The following KLF12 variants were observed in gnomAD, a reference collection of about 807,000 sequenced individuals.
The protein encoded by KLF12 is Krueppel-like factor 12.
In KLF12, 9 loss-of-function variants were observed where a neutral mutation model predicts 37.8. The observed-to-expected ratio is 0.24, with a 90% CI of 0.14 to 0.42. The LOEUF is 0.42. KLF12 is among the 10% of genes least tolerant of loss of function. The probability of loss-of-function intolerance (pLI) is 1.00; values close to 1 mark genes in which losing one functional copy is unlikely to be tolerated. For synonymous variants in KLF12, 208 were observed against 202.1 expected (o/e 1.03, Z -0.25); for missense variants, 411 against 516.0 (o/e 0.80, Z 1.97).
intron 1 of KLF12, among the ~76,000 whole-genome samples, chr13:74,036,921 T>C (rs1893261275): frequency 6.6e-6 from 1 of 152,116 alleles, no homozygotes; most frequent in African/African-American, 2.4e-5. Flanking sequence ...AGATTTTCTT[T>C]TGGGCCAGGA....
At chr13:73,876,322 C>CTGT (rs1886702705) in intron 3 of KLF12, among the ~76,000 whole-genome samples, 1 of 152,162 alleles carries the variant, frequency 6.6e-6, no homozygotes, top group Admixed American at 6.5e-5. Flanking sequence ...TTAGTGGCTA[C>CTGT]TCTCAGGTCC....
At chr13:74,027,388 T>C (rs1893002212) in intron 1 of KLF12, among the ~76,000 whole-genome samples, 3 of 152,196 alleles carry the variant, frequency 2.0e-5, no homozygotes, top group Admixed American at 1.3e-4. Context: ...TGTCTGTTCA[T>C]TCAACATGCA....
chr13:74,093,511 G>C (rs1007766159), intron 1 of KLF12, among the ~76,000 whole-genome samples: 1 of 151,990 alleles, frequency 6.6e-6, no homozygotes. Flanking sequence ...GGGCAAAGCT[G>C]GAATTCCTTT....
At chr13:73,918,079 T>TAC (rs140232883) in intron 3 of KLF12, among the ~76,000 whole-genome samples, 26 of 151,328 alleles carry the variant, frequency 1.7e-4, no homozygotes, top group Non-Finnish European at 2.7e-4. Context: ...CACCAACATC[T>TAC]ACACACACAC....
chr13:73,723,183 G>A (rs1334810746), intron 6 of KLF12, among the ~76,000 whole-genome samples: 2 of 152,190 alleles, frequency 1.3e-5, no homozygotes, highest in Non-Finnish European at 1.5e-5. Context: ...TAGACTACAA[G>A]TTGAAAGAGG....
the KLF12 span, among the ~76,000 whole-genome samples, chr13:74,299,429 G>A: frequency 1.1e-4 from 16 of 152,232 alleles, no homozygotes; most frequent in South Asian, 2.1e-4. Flanking sequence ...AAATTGGAGT[G>A]GATATACACA....
At chr13:73,800,969 A>G (rs1951251844) in intron 5 of KLF12, 1 of 152,142 alleles carries the variant, frequency 6.6e-6, no homozygotes, top group Non-Finnish European at 1.5e-5. Flanking sequence ...CAACTTTTAG[A>G]ATAAGCCACG....
At position 73,687,706 on chromosome 13, in the gene KLF12, C is replaced by T. The variant is rs950831115; in HGVS notation, c.*7784G>A. On this transcript the variant is annotated 3_prime_UTR_variant, in exon 8 of 8. Coordinates refer to ENST00000377669, the MANE Select transcript of KLF12 (RefSeq NM_007249.5). ...ATCCAAATTCTATCCTCCTATTAACCCTTACTTCTCAACAAAAATGAATCT... is the reference window on the plus strand; with the variant it reads ...ATCCAAATTCTATCCTCCTATTAACTCTTACTTCTCAACAAAAATGAATCT... 2.0e-5 allele frequency: 3 copies of T among 152,086 alleles called. No individual in the cohort carries two copies. The highest frequency in any genetic ancestry group is 4.4e-5 in the Non-Finnish European group (3 of 68,010). The allele number at this position is 152,086 out of a possible 1,614,324, so 9.4% of individuals were successfully genotyped here.
At chr13:73,894,931 A>G (rs990019640) in intron 3 of KLF12, among the ~76,000 whole-genome samples, 11 of 152,218 alleles carry the variant, frequency 7.2e-5, no homozygotes, top group Non-Finnish European at 1.2e-4. Context: ...TTATTTATCA[A>G]CGGATTTCCT....
intron 1 of KLF12, among the ~76,000 whole-genome samples, chr13:74,083,049 G>A (rs1051807214): frequency 1.5e-4 from 23 of 152,172 alleles, no homozygotes; most frequent in Non-Finnish European, 2.9e-4. Flanking sequence ...TTTACCTTGG[G>A]TTATCTGACA....
At chr13:74,136,210 G>A (rs1878548536), upstream of KLF12, among the ~76,000 whole-genome samples, 1 of 152,200 alleles carries the variant, frequency 6.6e-6, no homozygotes, top group Admixed American at 6.5e-5. Context: ...GAGGGCGTCG[G>A]GAACCCAGTG....
chr13:74,287,142 A>G, the KLF12 span, among the ~76,000 whole-genome samples: 9 of 152,246 alleles, frequency 5.9e-5, no homozygotes, highest in Admixed American at 3.9e-4. Flanking sequence ...GCTTTCCATC[A>G]GCCTACCTCT....
At chr13:74,273,438 T>C in the KLF12 span, among the ~76,000 whole-genome samples, 4 of 148,484 alleles carry the variant, frequency 2.7e-5, no homozygotes, top group Non-Finnish European at 5.9e-5. Flanking sequence ...GTAATAGTTT[T>C]TATATCCAGC....
the KLF12 span, among the ~76,000 whole-genome samples, chr13:74,159,533 C>T: frequency 6.6e-6 from 1 of 152,170 alleles, no homozygotes; most frequent in Non-Finnish European, 1.5e-5. Flanking sequence ...CTGGATAATG[C>T]ACATATTTCA....
At chr13:74,101,081 A>C (rs1051591422) in intron 1 of KLF12, among the ~76,000 whole-genome samples, 4 of 152,176 alleles carry the variant, frequency 2.6e-5, no homozygotes, top group Admixed American at 2.6e-4. Context: ...TCATCTGCAT[A>C]TAAGACAACT....
the KLF12 span, among the ~76,000 whole-genome samples, chr13:74,275,828 TTC>T: frequency 1.7e-5 from 2 of 118,296 alleles, no homozygotes; most frequent in African/African-American, 7.0e-5. Flanking sequence ...CTTTCTTTCT[TTC>T]TTTCTTTCTT....
At chr13:74,205,641 T>A in the KLF12 span, among the ~76,000 whole-genome samples, 1 of 152,210 alleles carries the variant, frequency 6.6e-6, no homozygotes, top group Admixed American at 6.5e-5. Flanking sequence ...GCCACCTGAC[T>A]TTCTTGACCC....
the KLF12 span, among the ~76,000 whole-genome samples, chr13:74,297,899 A>T: frequency 6.6e-6 from 1 of 152,216 alleles, no homozygotes; most frequent in African/African-American, 2.4e-5. Flanking sequence ...CATAGGTAAT[A>T]AGAATTCATT....
At chr13:74,192,089 T>G in the KLF12 span, among the ~76,000 whole-genome samples, 1 of 151,970 alleles carries the variant, frequency 6.6e-6, no homozygotes, top group African/African-American at 2.4e-5. Context: ...GGCAGCAAAC[T>G]GATGAGCTCT....
Sources: gnomAD v4.1 joint callset for allele counts (sites outside exome capture counted in the v4.1 genomes callset) on GRCh38, gnomAD v4.1.1 for gene constraint, MANE v1.5 for transcripts, NCBI Gene and HGNC (gene_info 2026-07-23, HGNC 2026-07-21) for gene names.